The following ARHGAP15 variants were observed in gnomAD, a reference collection of about 807,000 sequenced individuals.
ARHGAP15 encodes Rho GTPase activating protein 15.
ARHGAP15 carries 51 observed loss-of-function variants against 63.7 expected under a neutral mutation model. The ratio of observed to expected loss-of-function variants is 0.80; its 90% CI spans 0.64 to 1.01. ARHGAP15 has a LOEUF of 1.01. Ranked by LOEUF, ARHGAP15 falls within the 50% of genes least tolerant of loss-of-function variation. The pLI is 0.00. For missense variants in ARHGAP15, 560 were observed against 564.6 expected (o/e 0.99, Z 0.08); for synonymous variants, 191 against 193.8 (o/e 0.99, Z 0.12).
At chr2:143,659,359 T>C (rs1370166519) in intron 12 of ARHGAP15, among the ~76,000 whole-genome samples, 1 of 152,204 alleles carries the variant, frequency 6.6e-6, no homozygotes, top group Non-Finnish European at 1.5e-5. Flanking sequence ...TATACATTTA[T>C]CAAATTATCA....
At chr2:143,187,778 TG>T (rs1243188073) in intron 2 of ARHGAP15, among the ~76,000 whole-genome samples, 1 of 152,228 alleles carries the variant, frequency 6.6e-6, no homozygotes, top group East Asian at 1.9e-4. Flanking sequence ...CTTTTCATGA[TG>T]TAAATTGATG....
chr2:143,438,367 C>A (rs1203261523), intron 8 of ARHGAP15, among the ~76,000 whole-genome samples: 1 of 151,994 alleles, frequency 6.6e-6, no homozygotes, highest in Admixed American at 6.6e-5. Flanking sequence ...TACATGCACA[C>A]AAAGACTCAT....
chr2:143,254,849 AAAC>A lies in ARHGAP15; in HGVS notation c.474+4252_474+4254del, dbSNP rs201900306. ...ACAGTTGCATTCCTTTAATAAAACA[AAAC>A]AAATTCACTCCTATTAAAAAAAAAA... is the stretch of plus-strand genomic sequence containing the variant. On this transcript the variant is annotated intron_variant, in intron 6 of 13. Transcript: ENST00000295095. Among the ~76,000 whole-genome samples the A allele has an allele frequency of 4.2e-3, 590 of 139,396 alleles. 5 individuals are homozygous for A. Among genetic ancestry groups the A allele is most frequent in the African/African-American group, 0.016 (546 of 34,960 alleles). The allele number at this position is 139,396 out of a possible 152,430, so 91.4% of individuals were successfully genotyped here.
rs141589252 is a variant in ARHGAP15, at chr2:143,368,059, T to A, written c.475-67542T>A. Among the ~76,000 whole-genome samples, 502 of 152,174 alleles carry A rather than the reference T, an allele frequency of 3.3e-3. 4 individuals carry two copies. The highest frequency in any genetic ancestry group is 5.4e-3 in the Non-Finnish European group (369 of 67,928). ...AACTGATAAGAAAGTGGTGCATATA[T>A]GCTAACATCATTAATCTTCATACTT... is the stretch of plus-strand genomic sequence containing the variant. On this transcript the variant is annotated intron_variant, in intron 6 of 13. Transcript: ENST00000295095.
At chr2:143,508,793 C>T (rs2104952724) in intron 9 of ARHGAP15, among the ~76,000 whole-genome samples, 1 of 152,204 alleles carries the variant, frequency 6.6e-6, no homozygotes, top group Non-Finnish European at 1.5e-5. Flanking sequence ...GTGTAATCAC[C>T]AAAATGCCTA....
At chr2:143,164,712 T>C (rs1690432003) in intron 2 of ARHGAP15, among the ~76,000 whole-genome samples, 1 of 151,978 alleles carries the variant, frequency 6.6e-6, no homozygotes, top group Non-Finnish European at 1.5e-5. Context: ...ATTATTATTA[T>C]TAGATTTCAT....
chr2:143,420,014 C>T (rs1002212834), intron 6 of ARHGAP15, among the ~76,000 whole-genome samples: 9 of 152,094 alleles, frequency 5.9e-5, no homozygotes, highest in African/African-American at 1.9e-4. Flanking sequence ...AGTTTGTCAT[C>T]CAAAGAGGCT....
intron 6 of ARHGAP15, among the ~76,000 whole-genome samples, chr2:143,269,400 A>C (rs1681159566): frequency 6.6e-6 from 1 of 152,180 alleles, no homozygotes; most frequent in Non-Finnish European, 1.5e-5. Flanking sequence ...TCAGTTCCTA[A>C]ATTTCACTAT....
At chr2:143,161,617 G>A (rs1295449883) in intron 2 of ARHGAP15, among the ~76,000 whole-genome samples, 1 of 151,842 alleles carries the variant, frequency 6.6e-6, no homozygotes, top group Non-Finnish European at 1.5e-5. Context: ...TGACAGATCA[G>A]GTGCTGTCAG....
At chr2:143,444,354 T>G (rs1205066012) in intron 8 of ARHGAP15, among the ~76,000 whole-genome samples, 1 of 152,228 alleles carries the variant, frequency 6.6e-6, no homozygotes, top group African/African-American at 2.4e-5. Flanking sequence ...TTCCATGACT[T>G]TAAAATGGGC....
intron 1 of ARHGAP15, among the ~76,000 whole-genome samples, chr2:143,139,319 A>G (rs1327074483): frequency 1.3e-5 from 2 of 152,134 alleles, no homozygotes; most frequent in Non-Finnish European, 2.9e-5. Context: ...CTTATTCCAT[A>G]CATCCAATCA....
chr2:143,283,714 C>T (rs116661030), intron 6 of ARHGAP15, among the ~76,000 whole-genome samples: 11 of 152,110 alleles, frequency 7.2e-5, no homozygotes, highest in African/African-American at 2.2e-4. Context: ...CATTAAAAAA[C>T]GTCAATAAGT....
chr2:143,482,729 T>A (rs1034327147), intron 8 of ARHGAP15, among the ~76,000 whole-genome samples: 2 of 152,248 alleles, frequency 1.3e-5, no homozygotes, highest in Non-Finnish European at 2.9e-5. Context: ...TACGGCTGTT[T>A]ACAGGGTCCC....
intron 12 of ARHGAP15, among the ~76,000 whole-genome samples, chr2:143,691,974 A>T (rs559409104): frequency 6.6e-6 from 1 of 152,324 alleles, no homozygotes; most frequent in South Asian, 2.1e-4. Flanking sequence ...GTGTTTTAAT[A>T]TTACCTCCGA....
intron 10 of ARHGAP15, among the ~76,000 whole-genome samples, chr2:143,535,407 C>T (rs1230817260): frequency 2.0e-5 from 3 of 152,010 alleles, no homozygotes; most frequent in Non-Finnish European, 4.4e-5. Flanking sequence ...CATACTAAAG[C>T]GTATATGACC....
rs116797629 is a variant in ARHGAP15 at position 143,400,473 on chromosome 2, A to C, written c.475-35128A>C. The stretch of plus-strand genomic sequence containing the variant: ...AGTTTTGAGGTAGTCTATAACTTAC[A>C]TTTTTGTAATTAAGTGCCCTGAGAT... On this transcript the variant is annotated intron_variant, in intron 6 of 13. Transcript: ENST00000295095. 4.9e-3 allele frequency among the ~76,000 whole-genome samples: 750 copies of C among 151,990 alleles called. 11 individuals are homozygous for C. Among genetic ancestry groups the C allele is most frequent in the African/African-American group, 0.017 (716 of 41,488 alleles).
chr2:143,500,564 C>T (rs1693011572), intron 9 of ARHGAP15, among the ~76,000 whole-genome samples: 1 of 152,080 alleles, frequency 6.6e-6, no homozygotes, highest in African/African-American at 2.4e-5. Context: ...GAAGGATGCT[C>T]TGACTTTAAA....
chr2:143,371,850 A>T (rs1686572218), intron 6 of ARHGAP15, among the ~76,000 whole-genome samples: 1 of 152,126 alleles, frequency 6.6e-6, no homozygotes, highest in South Asian at 2.1e-4. Context: ...GAATGTACTG[A>T]GAAGCAACTT....
chr2:143,299,469 T>G lies in ARHGAP15; in HGVS notation c.474+48869T>G, dbSNP rs377461492. ...TTGATGACATCTCATTATAAACATATATTACATTATGTAATGTTACAGAGT... is the reference window on the plus strand; with the variant it reads ...TTGATGACATCTCATTATAAACATAGATTACATTATGTAATGTTACAGAGT... On this transcript the variant is annotated intron_variant, in intron 6 of 13. Transcript: ENST00000295095. Among the ~76,000 whole-genome samples, 5 of 152,136 alleles carry G rather than the reference T, an allele frequency of 3.3e-5. No homozygotes were observed. In the South Asian group the frequency reaches 6.2e-4, roughly 19 times the overall value.
Sources: allele counts gnomAD v4.1 joint callset (sites outside exome capture counted in the v4.1 genomes callset), GRCh38; gene constraint gnomAD v4.1.1; transcripts MANE v1.5; gene names NCBI Gene and HGNC (gene_info 2026-07-23, HGNC 2026-07-21).